Variants in ARB2A observed in about 807,000 individuals in gnomAD.
ARB2A encodes the protein ARB2 cotranscriptional regulator A, also known as cotranscriptional regulator ARB2A.
chr5:93,753,378 A>T, the ARB2A span, among the ~76,000 whole-genome samples: 1 of 152,254 alleles, frequency 6.6e-6, no homozygotes, highest in Admixed American at 6.5e-5. Context: ...AAGTTCAGTC[A>T]GTGTAAACAG....
chr5:93,772,636 C>G, the ARB2A span, among the ~76,000 whole-genome samples: 1 of 152,150 alleles, frequency 6.6e-6, no homozygotes, highest in Non-Finnish European at 1.5e-5. Flanking sequence ...CAGGGTTTCT[C>G]ACAAGACTAC....
At chr5:93,880,960 T>C in the ARB2A span, among the ~76,000 whole-genome samples, 15 of 151,724 alleles carry the variant, frequency 9.9e-5, no homozygotes, top group Admixed American at 4.6e-4. Context: ...ACACTGTAGA[T>C]AGTTGCTCAT....
chr5:93,868,826 A>G, the ARB2A span, among the ~76,000 whole-genome samples: 2 of 152,198 alleles, frequency 1.3e-5, no homozygotes, highest in Admixed American at 1.3e-4. Flanking sequence ...TATAGAAGGA[A>G]CTACTGCTTG....
At chr5:94,026,200 C>T in the ARB2A span, among the ~76,000 whole-genome samples, 11 of 152,178 alleles carry the variant, frequency 7.2e-5, no homozygotes, top group African/African-American at 2.6e-4. Context: ...AATTAACAGC[C>T]CTGTCAGCCC....
the ARB2A span, among the ~76,000 whole-genome samples, chr5:93,773,222 T>C: frequency 6.6e-6 from 1 of 152,192 alleles, no homozygotes; most frequent in Non-Finnish European, 1.5e-5. Flanking sequence ...GGTGACATAA[T>C]AATAATTCCT....
chr5:93,630,368 A>G, the ARB2A span, among the ~76,000 whole-genome samples: 2 of 152,186 alleles, frequency 1.3e-5, no homozygotes, highest in Non-Finnish European at 2.9e-5. Flanking sequence ...AATTACCTGC[A>G]TAAGATACAA....
At chr5:93,863,445 A>T in the ARB2A span, 1 of 151,426 alleles carries the variant, frequency 6.6e-6, no homozygotes, top group African/African-American at 2.4e-5. Flanking sequence ...ATATTTATAT[A>T]TATTTAGAGA....
chr5:93,956,865 T>C, the ARB2A span, among the ~76,000 whole-genome samples: 2 of 152,124 alleles, frequency 1.3e-5, no homozygotes, highest in African/African-American at 4.8e-5. Flanking sequence ...GATTTAAAAG[T>C]GATCTGTTTC....
the ARB2A span, among the ~76,000 whole-genome samples, chr5:93,803,752 CATA>C: frequency 6.8e-6 from 1 of 146,278 alleles, no homozygotes; most frequent in African/African-American, 2.5e-5. Context: ...CATTTTTGGA[CATA>C]AGAATTTTTT....
the ARB2A span, among the ~76,000 whole-genome samples, chr5:93,774,640 T>C: frequency 6.6e-6 from 1 of 152,200 alleles, no homozygotes; most frequent in African/African-American, 2.4e-5. Context: ...GTTTCACTGT[T>C]TACAATAGCC....
chr5:93,930,915 A>G, the ARB2A span, among the ~76,000 whole-genome samples: 14 of 152,088 alleles, frequency 9.2e-5, no homozygotes, highest in African/African-American at 3.4e-4. Flanking sequence ...GGTTTGCTGC[A>G]CCTATCAACC....
the ARB2A span, among the ~76,000 whole-genome samples, chr5:93,716,128 A>G: frequency 6.6e-6 from 1 of 152,234 alleles, no homozygotes; most frequent in African/African-American, 2.4e-5. Context: ...GAGGTTTAAT[A>G]AGGTGAAGAG....
At chr5:93,716,253 C>A in the ARB2A span, among the ~76,000 whole-genome samples, 2 of 152,196 alleles carry the variant, frequency 1.3e-5, no homozygotes, top group East Asian at 3.9e-4. Context: ...AGAACAAAAT[C>A]ATGAACACTA....
At chr5:93,848,569 C>G in the ARB2A span, among the ~76,000 whole-genome samples, 1 of 151,874 alleles carries the variant, frequency 6.6e-6, no homozygotes, top group Non-Finnish European at 1.5e-5. Context: ...TTATTTGAGC[C>G]TAAATTCACA....
chr5:94,023,068 T>A, the ARB2A span, among the ~76,000 whole-genome samples: 2,223 of 152,332 alleles, frequency 0.015, 59 homozygotes, highest in African/African-American at 0.05. Flanking sequence ...AGATAATCCT[T>A]AACCAAGAAA....
At chr5:93,622,330 T>C in the ARB2A span, among the ~76,000 whole-genome samples, 483 of 152,370 alleles carry the variant, frequency 3.2e-3, 4 homozygotes, top group Non-Finnish European at 4.6e-3. Context: ...TACTTTAACA[T>C]TGTTAATGAT....
the ARB2A span, among the ~76,000 whole-genome samples, chr5:93,954,470 C>T: frequency 6.6e-5 from 10 of 151,968 alleles, no homozygotes; most frequent in Non-Finnish European, 1.0e-4. Flanking sequence ...TCCTATCCTA[C>T]GGTGGCTCAT....
At chr5:93,724,957 G>A in the ARB2A span, among the ~76,000 whole-genome samples, 2 of 152,014 alleles carry the variant, frequency 1.3e-5, no homozygotes, top group Non-Finnish European at 2.9e-5. Context: ...CAGCTATTAA[G>A]TGACTAATGG....
At chr5:93,953,534 T>A in the ARB2A span, among the ~76,000 whole-genome samples, 1 of 152,086 alleles carries the variant, frequency 6.6e-6, no homozygotes, top group African/African-American at 2.4e-5. Flanking sequence ...CTGCCTGAGC[T>A]GGGGGAAGGG....
Sources: allele counts gnomAD v4.1 joint callset (sites outside exome capture counted in the v4.1 genomes callset), GRCh38; gene constraint gnomAD v4.1.1; transcripts MANE v1.5; gene names NCBI Gene and HGNC (gene_info 2026-07-23, HGNC 2026-07-21).